HMCN1: variants seen among roughly 807,000 people sequenced by gnomAD.
HMCN1 encodes the protein hemicentin 1, also known as hemicentin-1.
In HMCN1, 321 loss-of-function variants were observed where a neutral mutation model predicts 625.9. That is an observed-to-expected ratio of 0.51 (90% CI 0.47 to 0.56). HMCN1 has a LOEUF of 0.56. Among genes scored for constraint, HMCN1 ranks in the 20% least tolerant of loss-of-function variants. HMCN1 has a pLI of 0.00. For synonymous variants in HMCN1, 2,425 were observed against 2,417.6 expected, an observed-to-expected ratio of 1.00 and a Z score of -0.09; for missense variants, 6,588 against 6,887.3, an observed-to-expected ratio of 0.96 and a Z score of 1.54.
chr1:186,167,045 G>C, intron 100 of HMCN1, 103 bp downstream of exon 100: 1 of 1,438,180 alleles, frequency 7.0e-7, no homozygotes, highest in Non-Finnish European at 9.7e-7. Context: ...ACGAGGAAGG[G>C]ACCACATAAA....
intron 2 of HMCN1, among the ~76,000 whole-genome samples, chr1:185,858,397 C>CG (rs1662607140): frequency 6.6e-6 from 1 of 151,590 alleles, no homozygotes; most frequent in Admixed American, 6.6e-5. Context: ...AATGAAACTG[C>CG]GGCAGACGTT....
rs74136012 is a variant in HMCN1 at position 186,078,130 on chromosome 1, C to T, written c.8509C>T (p.Arg2837Trp). ...AGGAGGGCGAGTGTTGCAGATTCCTCGGGCTAAAGTAGAAGATGCTGGGAG... is the reference window on the plus strand; with the variant it reads ...AGGAGGGCGAGTGTTGCAGATTCCTTGGGCTAAAGTAGAAGATGCTGGGAG... ...LPGGRVLQIP[R>W]AKVEDAGRYT... The change falls in exon 55 of 107, where the codon CGG becomes TGG. Residue 2837 changes from arginine to tryptophan, a missense_variant. Physicochemically the swap from Arg to Trp is moderately radical, Grantham distance 101. Transcript: ENST00000271588. The T allele has an allele frequency of 1.6e-3, 2,662 of 1,613,504 alleles. 36 individuals carry two copies. The African/African-American group carries it at 0.031, about 19-fold the overall frequency.
At chr1:186,139,276 T>C (rs1261196348) in intron 89 of HMCN1, among the ~76,000 whole-genome samples, 1 of 152,228 alleles carries the variant, frequency 6.6e-6, no homozygotes, top group Admixed American at 6.5e-5. Flanking sequence ...TATCTGGATT[T>C]GCAATTCGGA....
At chr1:185,967,007 T>G (rs562081383) in intron 14 of HMCN1, among the ~76,000 whole-genome samples, 1 of 152,216 alleles carries the variant, frequency 6.6e-6, no homozygotes, top group African/African-American at 2.4e-5. Flanking sequence ...CTTAATCAGG[T>G]TTATGTTGGT....
Position 186,017,097 on chromosome 1 carries a change from A to G in HMCN1, c.5300+26A>G, listed in dbSNP as rs368763427. On this transcript the variant is annotated intron_variant, in intron 33 of 106. Coordinates refer to ENST00000271588, the MANE Select transcript of HMCN1 (RefSeq NM_031935.3). ...GTAAGGGTTTTGGTATGTCTTCTAA[A>G]TACCTCCTGCTTTTTGTTTTGAGTG... 176 of 1,196,312 alleles carry G rather than the reference A, an allele frequency of 1.5e-4. 1 individual carries two copies. Among genetic ancestry groups the G allele is most frequent in the South Asian group, 5.4e-4 (45 of 82,824 alleles). The allele number at this position is 1,196,312 out of a possible 1,614,324, so 74.1% of individuals were successfully genotyped here.
At chr1:186,077,607 A>G (rs1658907112) in intron 54 of HMCN1, among the ~76,000 whole-genome samples, 1 of 152,158 alleles carries the variant, frequency 6.6e-6, no homozygotes. Flanking sequence ...AAGTCTTTAT[A>G]TAATTATTGC....
chr1:186,179,659 C>A (rs778715946), intron 104 of HMCN1, among the ~76,000 whole-genome samples: 2 of 152,106 alleles, frequency 1.3e-5, no homozygotes, highest in Non-Finnish European at 2.9e-5. Context: ...ACTATGCCAG[C>A]CTCATTTTCT....
In HMCN1 at chr1:186,142,375, C is replaced by T. The variant is rs149001763; in HGVS notation, c.13925-1798C>T. Reference sequence around the variant, plus strand: ...TATGGCTGCATAGTATTCCATGGCACGTATGGTACCACATTTTCTTTATCC... The same window carrying T: ...TATGGCTGCATAGTATTCCATGGCATGTATGGTACCACATTTTCTTTATCC... On this transcript the variant is annotated intron_variant, in intron 89 of 106. Coordinates refer to ENST00000271588, the MANE Select transcript of HMCN1 (RefSeq NM_031935.3). Among the ~76,000 whole-genome samples the T allele has an allele frequency of 9.4e-3, 1,429 of 152,184 alleles. 68 individuals carry two copies. The highest frequency in any genetic ancestry group is 0.083 in the Admixed American group (1,268 of 15,274).
chr1:185,834,948 A>C lies in HMCN1; in HGVS notation c.269-11078A>C, dbSNP rs1177755154. On this transcript the variant is annotated intron_variant, in intron 1 of 106. Coordinates refer to ENST00000271588, the MANE Select transcript of HMCN1 (RefSeq NM_031935.3). The stretch of plus-strand genomic sequence containing the variant: ...AGCCTCTTATATAGAAAAAATATAA[A>C]TAAAAATGTAGAGATGGGCATTTTT... Among the ~76,000 whole-genome samples the C allele has an allele frequency of 2.0e-5, 3 of 152,330 alleles. No homozygotes were observed. In the East Asian group the frequency reaches 5.8e-4, roughly 29 times the overall value.
Position 185,962,576 on chromosome 1 carries a change from C to A in HMCN1, c.1887C>A (p.Val629=). The change falls in exon 12 of 107, where the codon GTC becomes GTA. Residue 629 remains valine (V), a synonymous_variant. Transcript: ENST00000271588. ...AGTCTTTCACAGGAGGGTCTGAGGT[C>A]TCCATCATGTGTTCTGCAACAGGTT... ...KNQSFTGGSE[V]SIMCSATGYP... 1 of 1,608,038 alleles carries A rather than the reference C, an allele frequency of 6.2e-7. No individual in the cohort carries two copies. The highest frequency in any genetic ancestry group is 8.5e-7 in the Non-Finnish European group (1 of 1,174,510).
intron 36 of HMCN1, among the ~76,000 whole-genome samples, chr1:186,035,993 C>A (rs1472375281): frequency 6.6e-6 from 1 of 151,918 alleles, no homozygotes; most frequent in Non-Finnish European, 1.5e-5. Context: ...TTGAATTTTT[C>A]TTGCTTTTTA....
At chr1:185,848,467 G>A (rs1661970005) in intron 2 of HMCN1, among the ~76,000 whole-genome samples, 1 of 151,946 alleles carries the variant, frequency 6.6e-6, no homozygotes, top group Admixed American at 6.6e-5. Context: ...TTGAGTATTG[G>A]TGTTCCTCAA....
chr1:185,758,278 A>G (rs1306664528), intron 1 of HMCN1, among the ~76,000 whole-genome samples: 1 of 152,200 alleles, frequency 6.6e-6, no homozygotes, highest in Admixed American at 6.5e-5. Context: ...ATTTAACTTT[A>G]TAGTGGATGT....
rs772584982 is a variant in HMCN1, at chr1:186,078,220, G to A, written c.8599G>A (p.Val2867Met). 10 of 1,596,912 alleles carry A rather than the reference G, an allele frequency of 6.3e-6. No homozygotes were observed. Among genetic ancestry groups the A allele is most frequent in the African/African-American group, 2.7e-5 (2 of 74,504 alleles). The stretch of plus-strand genomic sequence containing the variant: ...CCTTCAATATGATGTCCGTGTACTC[G>A]GTGAGTTTTTCTTTTGTTTATTGTT... ...DSLQYDVRVL[V>M]PPIIKGANSD... The change falls in exon 55 of 107, where the codon GTG (valine) becomes ATG (methionine). Residue 2867 changes from valine (V) to methionine (M), a missense_variant and splice_region_variant. By Grantham distance (21) the Val-to-Met change is conservative (BLOSUM62 1). Coordinates refer to ENST00000271588, the MANE Select transcript of HMCN1 (RefSeq NM_031935.3).
chr1:185,890,595 T>A (rs1374336520), intron 4 of HMCN1, among the ~76,000 whole-genome samples: 2 of 138,938 alleles, frequency 1.4e-5, no homozygotes, highest in African/African-American at 3.1e-5. Context: ...GAGCAGGTTG[T>A]TCAGTTTCCA....
intron 21 of HMCN1, 98 bp downstream of exon 21, chr1:185,989,745 T>A: frequency 6.0e-6 from 6 of 1,000,926 alleles, no homozygotes; most frequent in Non-Finnish European, 9.1e-6. Flanking sequence ...CATGTACCCC[T>A]AAAGTGAACT....
At chr1:185,896,558 T>G (rs1344824275) in intron 4 of HMCN1, among the ~76,000 whole-genome samples, 2 of 152,226 alleles carry the variant, frequency 1.3e-5, no homozygotes, top group African/African-American at 4.8e-5. Context: ...TGATAAAACA[T>G]TTTAATACAA....
chr1:186,046,349 A>G (rs1656572902), intron 41 of HMCN1, among the ~76,000 whole-genome samples: 1 of 152,098 alleles, frequency 6.6e-6, no homozygotes, highest in African/African-American at 2.4e-5. Context: ...TGCACCGGTA[A>G]TCCCAGCTAC....
rs1209300009 is a variant in HMCN1 at position 186,070,634 on chromosome 1, G to C, written c.8016G>C (p.Gly2672=). The change falls in exon 52 of 107, where the codon GGG becomes GGC. Residue 2672 remains glycine, a synonymous_variant. Transcript: ENST00000271588. The stretch of plus-strand genomic sequence containing the variant: ...CAGTTCCACCCATAATCAATAAAGG[G>C]GACCTTTGGGGGCCAGGTCTTTCCC... ...KVYIPPIINK[G]DLWGPGLSPK... 6.2e-7 allele frequency: 1 copy of C among 1,612,692 alleles called. No homozygotes were observed. Among genetic ancestry groups the C allele is most frequent in the South Asian group, 1.1e-5 (1 of 91,034 alleles).
Sources: gnomAD v4.1 joint callset for allele counts (sites outside exome capture counted in the v4.1 genomes callset) on GRCh38, gnomAD v4.1.1 for gene constraint, MANE v1.5 for transcripts, NCBI Gene and HGNC (gene_info 2026-07-23, HGNC 2026-07-21) for gene names.